The following PELI2 variants were observed in gnomAD, a reference collection of about 807,000 sequenced individuals.
The protein encoded by PELI2 is pellino E3 ubiquitin protein ligase family member 2, also known as E3 ubiquitin-protein ligase pellino homolog 2.
A neutral mutation model predicts 42.3 loss-of-function variants in PELI2; 23 were observed. The observed-to-expected ratio is 0.54, with a 90% CI of 0.39 to 0.77. The LOEUF (loss-of-function observed/expected upper bound fraction) is 0.77. Ranked by LOEUF, PELI2 falls within the 30% of genes least tolerant of loss-of-function variation. PELI2 has a pLI of 0.00. For synonymous variants in PELI2, 245 were observed against 212.2 expected (o/e 1.15, Z -1.34); for missense variants, 463 against 553.2 (o/e 0.84, Z 1.64).
At chr14:56,250,628 A>G (rs923323596) in intron 2 of PELI2, among the ~76,000 whole-genome samples, 12 of 152,176 alleles carry the variant, frequency 7.9e-5, no homozygotes, top group Admixed American at 6.5e-5. Flanking sequence ...GCGGCATGGT[A>G]GAAATATGAA....
rs1889780195 is a variant in PELI2, at chr14:56,290,169, C to T, written c.508-99C>T. ...GAAAATGAAAATTCATCACCTTCCTCCCCTCTGCCTCTATGCAATGTATTA... is the reference window on the plus strand; with the variant it reads ...GAAAATGAAAATTCATCACCTTCCTTCCCTCTGCCTCTATGCAATGTATTA... On this transcript the variant is annotated intron_variant, in intron 4 of 5. Transcript: ENST00000267460. The T allele has an allele frequency of 3.6e-6, 3 of 842,160 alleles. No individual in the cohort carries two copies. The East Asian group carries it at 7.6e-5, about 21-fold the overall frequency. The allele number at this position is 842,160 out of a possible 1,614,324, so 52.2% of individuals were successfully genotyped here.
At chr14:56,279,411 C>A (rs188374620) in intron 2 of PELI2, among the ~76,000 whole-genome samples, 1 of 152,174 alleles carries the variant, frequency 6.6e-6, no homozygotes, top group East Asian at 1.9e-4. Context: ...GTGATTGAAT[C>A]GAGTCTTGCA....
chr14:56,130,956 T>C (rs534294296), intron 1 of PELI2, among the ~76,000 whole-genome samples: 125 of 152,338 alleles, frequency 8.2e-4, no homozygotes, highest in African/African-American at 2.9e-3. Flanking sequence ...TTGTATTTCG[T>C]TTATAGTTTG....
chr14:56,191,010 A>C (rs754063947), intron 2 of PELI2, among the ~76,000 whole-genome samples: 5 of 152,222 alleles, frequency 3.3e-5, no homozygotes, highest in Middle Eastern at 3.2e-3. Context: ...ACTCTATGGT[A>C]AACTCTGGAT....
At chr14:56,258,247 C>A (rs1028690123) in intron 2 of PELI2, among the ~76,000 whole-genome samples, 2 of 152,204 alleles carry the variant, frequency 1.3e-5, no homozygotes, top group East Asian at 3.9e-4. Context: ...AAGTTAACTG[C>A]CTACCAGAAC....
chr14:56,139,346 G>A (rs1440674158), intron 1 of PELI2, among the ~76,000 whole-genome samples: 2 of 152,100 alleles, frequency 1.3e-5, no homozygotes, highest in Admixed American at 6.5e-5. Flanking sequence ...TGATTTAATT[G>A]TCTTAGACTA....
chr14:56,264,650 A>C (rs999190470), intron 2 of PELI2, among the ~76,000 whole-genome samples: 1 of 152,188 alleles, frequency 6.6e-6, no homozygotes. Context: ...CACATTACCC[A>C]GGGGCAGGAA....
chr14:56,217,313 A>G (rs896914411), intron 2 of PELI2, among the ~76,000 whole-genome samples: 1 of 152,224 alleles, frequency 6.6e-6, no homozygotes, highest in Non-Finnish European at 1.5e-5. Context: ...GCCTGTGGGC[A>G]GATCCTGTCT....
intron 2 of PELI2, among the ~76,000 whole-genome samples, chr14:56,277,219 A>G (rs1889325397): frequency 6.6e-6 from 1 of 152,118 alleles, no homozygotes; most frequent in African/African-American, 2.4e-5. Context: ...GGAGCAGGTG[A>G]ACAAGGGAAG....
At chr14:56,283,282 A>G (rs1244814225) in intron 3 of PELI2, among the ~76,000 whole-genome samples, 3 of 152,116 alleles carry the variant, frequency 2.0e-5, no homozygotes, top group South Asian at 2.1e-4. Context: ...CATACTTCCT[A>G]TTTTGTCATA....
intron 2 of PELI2, among the ~76,000 whole-genome samples, chr14:56,221,894 C>T (rs1289324342): frequency 6.6e-6 from 1 of 152,126 alleles, no homozygotes; most frequent in Non-Finnish European, 1.5e-5. Context: ...GCATACGTAT[C>T]CTGATAACAT....
At chr14:56,193,973 G>A (rs1014938285) in intron 2 of PELI2, among the ~76,000 whole-genome samples, 6 of 152,162 alleles carry the variant, frequency 3.9e-5, no homozygotes, top group Non-Finnish European at 8.8e-5. Context: ...TAGCTAGCTT[G>A]AGCCTTGAGC....
intron 2 of PELI2, among the ~76,000 whole-genome samples, chr14:56,218,100 C>G (rs1566643958): frequency 6.6e-6 from 1 of 152,220 alleles, no homozygotes; most frequent in African/African-American, 2.4e-5. Flanking sequence ...CGTGATAAAG[C>G]TGGGGTTTGA....
At chr14:56,188,909 C>A (rs568292519) in intron 2 of PELI2, among the ~76,000 whole-genome samples, 1 of 152,212 alleles carries the variant, frequency 6.6e-6, no homozygotes, top group South Asian at 2.1e-4. Flanking sequence ...TCTGTAATCC[C>A]AGCACTTTAG....
chr14:56,219,163 T>C lies in PELI2; in HGVS notation c.207+40699T>C, dbSNP rs977131741. On this transcript the variant is annotated intron_variant, in intron 2 of 5. Transcript: ENST00000267460. The surrounding 1 kb of genome is among the most constrained non-coding windows in gnomAD (Gnocchi z 4.1). ...AATTCCTTTTTTATTTTTTTTTGGA[T>C]GACTTGAGGACAATAAGGTGTTTGT... Among the ~76,000 whole-genome samples the C allele has an allele frequency of 1.3e-5, 2 of 149,676 alleles. No individual in the cohort carries two copies. Among genetic ancestry groups the C allele is most frequent in the Non-Finnish European group, 3.0e-5 (2 of 67,710 alleles).
At chr14:56,191,469 G>A (rs578173839) in intron 2 of PELI2, among the ~76,000 whole-genome samples, 5 of 152,314 alleles carry the variant, frequency 3.3e-5, no homozygotes, top group Admixed American at 6.5e-5. Context: ...CAGTGATACC[G>A]GGTGGAGTCC....
chr14:56,296,497 G>A (rs1212167543), intron 5 of PELI2, 103 bp from the exon 6 acceptor site: 2 of 767,926 alleles, frequency 2.6e-6, no homozygotes, highest in Non-Finnish European at 4.2e-6. Context: ...TTGCTTCCCT[G>A]TGTTATCTTC....
rs577227662 is a variant in PELI2 at position 56,268,588 on chromosome 14, G to A, written c.208-11088G>A. ...GTTGCACCTTCATTTCTTCCCCTGC[G>A]GCATTTTGCTCACATCTGGAAACAT... On this transcript the variant is annotated intron_variant, in intron 2 of 5. Transcript: ENST00000267460. Among the ~76,000 whole-genome samples the A allele has an allele frequency of 1.1e-4, 17 of 152,070 alleles. No individual in the cohort carries two copies. The South Asian group carries it at 3.3e-3, about 30-fold the overall frequency.
chr14:56,256,644 T>C (rs1468851027), intron 2 of PELI2, among the ~76,000 whole-genome samples: 1 of 152,226 alleles, frequency 6.6e-6, no homozygotes, highest in Admixed American at 6.5e-5. Context: ...ATTTAAGACG[T>C]AATTAGAAAA....
Sources: gnomAD v4.1 joint callset for allele counts (sites outside exome capture counted in the v4.1 genomes callset) on GRCh38, gnomAD v4.1.1 for gene constraint, Gnocchi (gnomAD v3.1) non-coding constraint, MANE v1.5 for transcripts, NCBI Gene and HGNC (gene_info 2026-07-23, HGNC 2026-07-21) for gene names.